FRMPD4: variants seen among roughly 807,000 people sequenced by gnomAD.
FRMPD4 encodes FERM and PDZ domain-containing protein 4.
Under a neutral mutation model 94.1 loss-of-function variants are expected in FRMPD4, and 22 were observed. The ratio of observed to expected loss-of-function variants is 0.23; its 90% confidence interval spans 0.17 to 0.33. The LOEUF is 0.33. FRMPD4 is among the 10% of genes least tolerant of loss of function. The pLI is 1.00. For synonymous variants in FRMPD4, 631 were observed against 548.6 expected, an observed-to-expected ratio of 1.15 and a Z score of -2.10; for missense variants, 1,111 against 1,339.9, an observed-to-expected ratio of 0.83 and a Z score of 2.67.
rs147907213 is a variant in FRMPD4 at position 12,686,338 on chromosome X, A to C, written c.681+134A>C. Reference sequence around the variant, plus strand: ...CAGTTTTGTTGATTGCCTCCATATAATGTAGTCTGTGAATACTTCAAACCA... The same window carrying C: ...CAGTTTTGTTGATTGCCTCCATATACTGTAGTCTGTGAATACTTCAAACCA... On this transcript the variant is annotated intron_variant, in intron 7 of 16. Transcript: ENST00000675598. The C allele has an allele frequency of 6.0e-3, 2,349 of 390,051 alleles. 8 individuals carry two copies. Among genetic ancestry groups the C allele is most frequent in the Non-Finnish European group, 7.7e-3 (1,713 of 221,704 alleles). 32.1% of individuals were successfully genotyped at this position (390,051 alleles called of 1,213,427 possible).
chrX:12,618,388 C>T lies in FRMPD4; in HGVS notation c.422+3507C>T, dbSNP rs183266249. Among the ~76,000 whole-genome samples, 373 of 111,486 alleles carry T rather than the reference C, an allele frequency of 3.3e-3. 3 individuals are homozygous for T. Among genetic ancestry groups the T allele is most frequent in the Middle Eastern group, 0.018 (4 of 217 alleles). On this transcript the variant is annotated intron_variant, in intron 4 of 16. Coordinates refer to ENST00000675598, the MANE Select transcript of FRMPD4 (RefSeq NM_001368397.1). ...TAGATACGTAGGCATGATTCTTGCC[C>T]TCAAGGAGAAGAATTCTAATTAATT...
At chrX:12,119,198 C>T (rs6640902) in intron 3 of FRMPD4, among the ~76,000 whole-genome samples, 8,488 of 111,006 alleles carry the variant, frequency 0.076, 878 homozygotes, top group East Asian at 0.59. Flanking sequence ...TAGAGCCATA[C>T]ATAGATCCAA....
chrX:12,071,016 G>C (rs1222080368), intron 3 of FRMPD4, among the ~76,000 whole-genome samples: 2 of 112,028 alleles, frequency 1.8e-5, no homozygotes, highest in Admixed American at 9.4e-5. Flanking sequence ...CAGGATTTAT[G>C]AGAGACTGGC....
intron 3 of FRMPD4, among the ~76,000 whole-genome samples, chrX:11,970,195 T>A (rs2054332941): frequency 8.9e-6 from 1 of 112,281 alleles, no homozygotes. Flanking sequence ...TTCAACTCAG[T>A]ACCTTCATCC....
At chrX:12,702,740 C>T (rs760081089) in intron 10 of FRMPD4, among the ~76,000 whole-genome samples, 1 of 112,480 alleles carries the variant, frequency 8.9e-6, no homozygotes, top group Non-Finnish European at 1.9e-5. Context: ...GACTTCAACA[C>T]CACTGTTCTG....
At chrX:12,648,333 G>T (rs1388641569) in intron 4 of FRMPD4, among the ~76,000 whole-genome samples, 5 of 111,542 alleles carry the variant, frequency 4.5e-5, no homozygotes, top group Non-Finnish European at 9.4e-5. Context: ...CCTGCCTGTA[G>T]TCCTCTTTTC....
intron 3 of FRMPD4, among the ~76,000 whole-genome samples, chrX:12,030,312 A>G (rs2054684248): frequency 8.9e-6 from 1 of 112,104 alleles, no homozygotes; most frequent in African/African-American, 3.2e-5. Flanking sequence ...CCCCACAGTA[A>G]AGAGAAAGGA....
At chrX:12,132,423 G>C (rs1414454495) in intron 3 of FRMPD4, among the ~76,000 whole-genome samples, 1 of 111,036 alleles carries the variant, frequency 9.0e-6, no homozygotes, top group Non-Finnish European at 1.9e-5. Context: ...GGGTGGTCTG[G>C]AGTTGAGGGA....
At chrX:12,338,509 T>A (rs1376490537) in intron 1 of FRMPD4, among the ~76,000 whole-genome samples, 4 of 112,229 alleles carry the variant, frequency 3.6e-5, no homozygotes, top group Admixed American at 1.9e-4. Context: ...TGAAACAGTC[T>A]CTTGTCTGAA....
chrX:12,388,301 A>G (rs1231664466), intron 1 of FRMPD4, among the ~76,000 whole-genome samples: 2 of 112,519 alleles, frequency 1.8e-5, no homozygotes, highest in East Asian at 5.5e-4. Flanking sequence ...GATGCAAGAT[A>G]TATTCTTAAC....
intron 1 of FRMPD4, among the ~76,000 whole-genome samples, chrX:11,841,465 T>A (rs1317400046): frequency 9.3e-6 from 1 of 107,191 alleles, no homozygotes; most frequent in East Asian, 2.9e-4. Flanking sequence ...GGTATCTCAT[T>A]GTGGTTTTGA....
intron 1 of FRMPD4, among the ~76,000 whole-genome samples, chrX:12,403,594 A>G (rs1473450935): frequency 9.0e-6 from 1 of 110,903 alleles, no homozygotes; most frequent in Non-Finnish European, 1.9e-5. Context: ...TAAGGATGTA[A>G]TCTCCCTGAA....
chrX:12,174,054 A>AT (rs760131109), intron 1 of FRMPD4, among the ~76,000 whole-genome samples: 37 of 111,176 alleles, frequency 3.3e-4, no homozygotes, highest in African/African-American at 1.0e-3. Flanking sequence ...TTAGACCTTC[A>AT]TAGGCTTAGG....
chrX:12,708,052 G>A (rs1402177026), intron 13 of FRMPD4, among the ~76,000 whole-genome samples: 2 of 111,736 alleles, frequency 1.8e-5, no homozygotes, highest in Admixed American at 9.5e-5. Flanking sequence ...CTTTGCTTAC[G>A]TTAGGTCCAT....
intron 3 of FRMPD4, among the ~76,000 whole-genome samples, chrX:12,048,011 T>C (rs374139732): frequency 5.9e-4 from 67 of 112,698 alleles, no homozygotes; most frequent in African/African-American, 2.0e-3. Flanking sequence ...TTTGGATATA[T>C]ACCCAGTAAT....
At chrX:12,286,449 A>C (rs771673453) in intron 1 of FRMPD4, among the ~76,000 whole-genome samples, 4 of 111,974 alleles carry the variant, frequency 3.6e-5, no homozygotes, top group Non-Finnish European at 7.5e-5. Flanking sequence ...GCACTGAATT[A>C]AATGATATGA....
At chrX:12,630,878 T>G (rs886862466) in intron 4 of FRMPD4, among the ~76,000 whole-genome samples, 3 of 111,852 alleles carry the variant, frequency 2.7e-5, no homozygotes, top group African/African-American at 9.8e-5. Flanking sequence ...TCCATCACAA[T>G]AGGAGTTTGT....
chrX:11,870,362 C>A (rs919202938), intron 2 of FRMPD4, among the ~76,000 whole-genome samples: 1 of 111,895 alleles, frequency 8.9e-6, no homozygotes, highest in Non-Finnish European at 1.9e-5. Flanking sequence ...CCTGGCAACG[C>A]CTGGAGATGC....
rs73444888 is a variant in FRMPD4 at position 12,583,517 on chromosome X, G to T, written c.159-26204G>T. 1,909 of 1,091,312 alleles carry T rather than the reference G, an allele frequency of 1.7e-3. 14 individuals carry two copies. In the African/African-American group the frequency reaches 0.025, roughly 14 times the overall value. 89.9% of individuals were successfully genotyped at this position (1,091,312 alleles called of 1,213,427 possible). The stretch of plus-strand genomic sequence containing the variant: ...GGCAGAATATTTCTACGTGCCGGGA[G>T]CGTTCCCATATTATGATCCTCATAA... On this transcript the variant is annotated intron_variant, in intron 2 of 16. Transcript: ENST00000675598.
Sources: gnomAD v4.1 joint callset for allele counts (sites outside exome capture counted in the v4.1 genomes callset) on GRCh38, gnomAD v4.1.1 for gene constraint, MANE v1.5 for transcripts, NCBI Gene and HGNC (gene_info 2026-07-23, HGNC 2026-07-21) for gene names.